DPT: variants seen among roughly 807,000 people sequenced by gnomAD.
DPT encodes dermatopontin.
A neutral mutation model predicts 31.2 loss-of-function variants in DPT; 21 were observed. The observed-to-expected ratio is 0.67, with a 90% CI of 0.48 to 0.97. DPT has a LOEUF of 0.97. Among genes scored for constraint, DPT ranks in the 50% least tolerant of loss-of-function variants. The pLI, the probability that DPT is intolerant of heterozygous loss-of-function variation, is 0.00. For synonymous variants in DPT, 91 were observed against 86.9 expected (o/e 1.05, Z -0.26); for missense variants, 262 against 258.8 (o/e 1.01, Z -0.08).
At chr1:168,711,880 C>T (rs184304460) in intron 2 of DPT, among the ~76,000 whole-genome samples, 2 of 152,214 alleles carry the variant, frequency 1.3e-5, no homozygotes, top group East Asian at 3.9e-4. Context: ...ATGTTATGTG[C>T]CTGTCATTAT....
intron 3 of DPT, among the ~76,000 whole-genome samples, chr1:168,697,759 T>C (rs942163723): frequency 5.9e-5 from 9 of 152,240 alleles, no homozygotes; most frequent in Non-Finnish European, 8.8e-5. Flanking sequence ...CAACGATTCA[T>C]TGTTTAGGTG....
At position 168,696,525 on chromosome 1, in the gene DPT, A is replaced by G. The variant is rs772836913; in HGVS notation, c.*24T>C. ...TCCTGTCCCCGGCCCCTTTCCTTTC[A>G]CCCAGATTTGGTATGTGGCAAATCT... On this transcript the variant is annotated 3_prime_UTR_variant, in exon 4 of 4. Transcript: ENST00000367817. 4 of 1,610,558 alleles carry G rather than the reference A, an allele frequency of 2.5e-6. No individual in the cohort carries two copies. Among genetic ancestry groups the G allele is most frequent in the Non-Finnish European group, 3.4e-6 (4 of 1,177,718 alleles).
chr1:168,701,253 C>A, intron 2 of DPT, 129 bp from the exon 3 acceptor site: 1 of 720,560 alleles, frequency 1.4e-6, no homozygotes, highest in South Asian at 1.5e-5. Context: ...AGTTAAATGA[C>A]ATCCACCAAA....
rs531674709 is a variant in DPT, at chr1:168,696,056, C to T, written c.*493G>A. 7.0e-5 allele frequency: 28 copies of T among 397,978 alleles called. No homozygotes were observed. Among genetic ancestry groups the T allele is most frequent in the Admixed American group, 6.9e-4 (16 of 23,070 alleles). The allele number at this position is 397,978 out of a possible 1,614,324, so 24.7% of individuals were successfully genotyped here. On this transcript the variant is annotated 3_prime_UTR_variant, in exon 4 of 4. Transcript: ENST00000367817. ...CTAAGCATGCATGGCTCATGTGGAG[C>T]AGGGGAGTGGGAAGATGTCCCTCAG...
At chr1:168,701,473 A>G (rs1156339814) in intron 2 of DPT, among the ~76,000 whole-genome samples, 2 of 152,258 alleles carry the variant, frequency 1.3e-5, no homozygotes, top group East Asian at 3.8e-4. Flanking sequence ...ATTTTAGATT[A>G]TGATTCATTA....
In DPT at chr1:168,707,140, A is replaced by T. The variant is rs373291502; in HGVS notation, c.432-6016T>A. On this transcript the variant is annotated intron_variant, in intron 2 of 3. Transcript: ENST00000367817. ...AGTTTGGAACTTTGAAGGGAGCCAC[A>T]ACTTCTATAGCTCAGTTCCCTCATC... 8.5e-5 allele frequency among the ~76,000 whole-genome samples: 13 copies of T among 152,324 alleles called. No homozygotes were observed. The East Asian group carries it at 2.5e-3, about 29-fold the overall frequency.
At chr1:168,715,649 T>G (rs1649965974) in intron 1 of DPT, among the ~76,000 whole-genome samples, 1 of 152,262 alleles carries the variant, frequency 6.6e-6, no homozygotes, top group South Asian at 2.1e-4. Flanking sequence ...ACATTTCTTC[T>G]GCTTAACAGC....
intron 1 of DPT, among the ~76,000 whole-genome samples, chr1:168,716,512 G>A (rs776752439): frequency 2.0e-5 from 3 of 151,894 alleles, no homozygotes; most frequent in Non-Finnish European, 2.9e-5. Context: ...CAACTGTGTA[G>A]TTTATTATAC....
chr1:168,715,811 T>C (rs1331444715), intron 1 of DPT, among the ~76,000 whole-genome samples: 4 of 152,172 alleles, frequency 2.6e-5, no homozygotes, highest in Admixed American at 6.5e-5. Flanking sequence ...CCTTCCAAAA[T>C]AGTTCTTCAG....
At chr1:168,720,481 T>C (rs911074275) in intron 1 of DPT, among the ~76,000 whole-genome samples, 2 of 152,160 alleles carry the variant, frequency 1.3e-5, no homozygotes, top group African/African-American at 2.4e-5. Context: ...GTTTGGACTT[T>C]AGGTGGTGTG....
chr1:168,701,720 G>C (rs1042998974), intron 2 of DPT, among the ~76,000 whole-genome samples: 8 of 152,140 alleles, frequency 5.3e-5, no homozygotes, highest in Admixed American at 5.2e-4. Context: ...GCTCCCCAAA[G>C]GTAGAGTTTT....
chr1:168,707,267 CATT>C (rs1033064304), intron 2 of DPT, among the ~76,000 whole-genome samples: 1 of 152,064 alleles, frequency 6.6e-6, no homozygotes, highest in Non-Finnish European at 1.5e-5. Flanking sequence ...TCATCATTAT[CATT>C]AGTAGGGTCT....
intron 3 of DPT, among the ~76,000 whole-genome samples, chr1:168,697,141 G>A (rs1258328615): frequency 6.6e-6 from 1 of 152,120 alleles, no homozygotes; most frequent in African/African-American, 2.4e-5. Flanking sequence ...GTGCATGCCT[G>A]TAGTCCCAGC....
intron 1 of DPT, among the ~76,000 whole-genome samples, chr1:168,727,708 T>TC (rs11407464): frequency 0.43 from 65,695 of 151,058 alleles, 15,398 homozygotes; most frequent in Non-Finnish European, 0.54. Context: ...CGGGCTAATT[T>TC]TTTTTTTTCT....
At position 168,700,928 on chromosome 1, in the gene DPT, T is replaced by C. The variant is rs992752481; in HGVS notation, c.539+89A>G. On this transcript the variant is annotated intron_variant, in intron 3 of 3. Transcript: ENST00000367817. ...GTGTGGGTGTGTGTGTGTGTGTGTG[T>C]TTATAAATTCCTGCAGGTAAAATCC... 6.3e-6 allele frequency: 5 copies of C among 792,662 alleles called. No individual in the cohort carries two copies. In the African/African-American group the frequency reaches 6.9e-5, roughly 11 times the overall value. 49.1% of individuals were successfully genotyped at this position (792,662 alleles called of 1,614,324 possible).
intron 2 of DPT, among the ~76,000 whole-genome samples, chr1:168,713,029 G>A (rs1329818746): frequency 6.6e-6 from 1 of 152,098 alleles, no homozygotes; most frequent in Non-Finnish European, 1.5e-5. Context: ...AAAGAAGGGA[G>A]GGAAGTGAGG....
intron 1 of DPT, among the ~76,000 whole-genome samples, chr1:168,722,264 A>G (rs1650132528): frequency 6.6e-6 from 1 of 152,218 alleles, no homozygotes; most frequent in Non-Finnish European, 1.5e-5. Flanking sequence ...AATGTAATAA[A>G]TATTCAAGAC....
intron 2 of DPT, among the ~76,000 whole-genome samples, chr1:168,702,100 C>T (rs1400703224): frequency 6.6e-6 from 1 of 152,170 alleles, no homozygotes. Context: ...CCTTCAGGAC[C>T]AAAACAGTCC....
chr1:168,726,738 T>G (rs1650251930), intron 1 of DPT, among the ~76,000 whole-genome samples: 1 of 152,176 alleles, frequency 6.6e-6, no homozygotes, highest in Non-Finnish European at 1.5e-5. Flanking sequence ...GGAGGGACAG[T>G]TGTAATTAGG....
Sources: allele counts gnomAD v4.1 joint callset (sites outside exome capture counted in the v4.1 genomes callset), GRCh38; gene constraint gnomAD v4.1.1; transcripts MANE v1.5; gene names NCBI Gene and HGNC (gene_info 2026-07-23, HGNC 2026-07-21).